Variants in SPOCK3 observed in about 807,000 individuals in gnomAD.
SPOCK3 encodes the protein testican-3.
SPOCK3 carries 30 observed loss-of-function variants against 56.6 expected under a neutral mutation model. The observed-to-expected ratio is 0.53, with a 90% CI of 0.40 to 0.72. The LOEUF is 0.72. Ranked by LOEUF, SPOCK3 falls within the 30% of genes least tolerant of loss-of-function variation. The pLI, the probability that SPOCK3 is intolerant of heterozygous loss-of-function variation, is 0.00. For missense variants in SPOCK3, 527 were observed against 530.0 expected (o/e 0.99, Z 0.06); for synonymous variants, 196 against 183.3 (o/e 1.07, Z -0.56).
rs150561318 is a variant in SPOCK3 at position 166,893,256 on chromosome 4, A to G, written c.475-4012T>C. Among the ~76,000 whole-genome samples, 266 of 152,256 alleles carry G rather than the reference A, an allele frequency of 1.7e-3. 1 individual carries two copies. The highest frequency in any genetic ancestry group is 6.0e-3 in the African/African-American group (251 of 41,566). On this transcript the variant is annotated intron_variant, in intron 5 of 10. Transcript: ENST00000357545. ...CTACTGTAAGGCAATGAAAGGGTTA[A>G]TTCAATTCTCAAGATCCCTTCCATA...
In SPOCK3 at chr4:167,132,723, C is replaced by T. The variant is rs561365584; in HGVS notation, c.190-70186G>A. On this transcript the variant is annotated intron_variant, in intron 2 of 10. Coordinates refer to ENST00000357545, the MANE Select transcript of SPOCK3 (RefSeq NM_001040159.2). ...CCATTCTTTACCTCTCTCTTAGCTT[C>T]GGATAGCTGCCCGTAAACCCTGGCA... 3.3e-5 allele frequency among the ~76,000 whole-genome samples: 5 copies of T among 152,178 alleles called. No homozygotes were observed. In the South Asian group the frequency reaches 8.3e-4, roughly 25 times the overall value.
intron 4 of SPOCK3, among the ~76,000 whole-genome samples, chr4:166,919,434 G>T (rs2149973034): frequency 6.6e-6 from 1 of 152,158 alleles, no homozygotes; most frequent in Admixed American, 6.6e-5. Flanking sequence ...AATTACTGAA[G>T]GCATCAATAA....
In SPOCK3 at chr4:166,754,587, T is replaced by A; in HGVS notation, c.852A>T (p.Ala284=). The change falls in exon 8 of 11, where the codon GCA becomes GCT. Residue 284 remains alanine, a synonymous_variant. Transcript: ENST00000357545. ...YLDKNEQCTK[A]FFNSCDTYKD... ...TGTATGTGTCACAAGAATTGAAGAATGCCTTGGTACACTGTTCATTCTTAT... is the reference window on the plus strand; with the variant it reads ...TGTATGTGTCACAAGAATTGAAGAAAGCCTTGGTACACTGTTCATTCTTAT... The A allele has an allele frequency of 6.2e-7, 1 of 1,613,744 alleles. No individual in the cohort carries two copies. Among genetic ancestry groups the A allele is most frequent in the Non-Finnish European group, 8.5e-7 (1 of 1,179,762 alleles).
chr4:167,223,531 C>T lies in SPOCK3; in HGVS notation c.189+10454G>A, dbSNP rs575519375. On this transcript the variant is annotated intron_variant, in intron 2 of 10. Coordinates refer to ENST00000357545, the MANE Select transcript of SPOCK3 (RefSeq NM_001040159.2). ...TGTTTAAGGACAAAGTCTTTAGAGC[C>T]AAAATTCTACTACTGGAGAGAGCCC... Among the ~76,000 whole-genome samples, 8 of 151,866 alleles carry T rather than the reference C, an allele frequency of 5.3e-5. No homozygotes were observed. In the East Asian group the frequency reaches 1.5e-3, roughly 29 times the overall value.
At chr4:166,912,412 C>A (rs2087315198) in intron 5 of SPOCK3, among the ~76,000 whole-genome samples, 1 of 152,066 alleles carries the variant, frequency 6.6e-6, no homozygotes, top group African/African-American at 2.4e-5. Flanking sequence ...TCTGAGGGTT[C>A]ATAGCTTTAG....
chr4:167,234,667 T>G (rs932267881), upstream of SPOCK3: 1 of 180,898 alleles, frequency 5.5e-6, no homozygotes, highest in African/African-American at 2.4e-5. Flanking sequence ...CTCCGTTTTT[T>G]TCCTCTTCCA....
chr4:167,051,713 A>G (rs1247965834), intron 3 of SPOCK3, among the ~76,000 whole-genome samples: 1 of 152,128 alleles, frequency 6.6e-6, no homozygotes, highest in Non-Finnish European at 1.5e-5. Flanking sequence ...CTGACCCCCA[A>G]TCATTGGTTA....
intron 8 of SPOCK3, among the ~76,000 whole-genome samples, chr4:166,753,714 C>T (rs987077648): frequency 1.3e-5 from 2 of 151,986 alleles, no homozygotes; most frequent in South Asian, 2.1e-4. Flanking sequence ...CAGGCTTTAC[C>T]ACATTAATTC....
chr4:166,802,056 A>C (rs1742658376), intron 6 of SPOCK3, among the ~76,000 whole-genome samples: 1 of 152,134 alleles, frequency 6.6e-6, no homozygotes, highest in South Asian at 2.1e-4. Flanking sequence ...AGTTTTTCCC[A>C]AAAAATTAAA....
intron 3 of SPOCK3, among the ~76,000 whole-genome samples, chr4:167,003,786 A>T (rs1749187096): frequency 6.6e-6 from 1 of 152,218 alleles, no homozygotes; most frequent in Admixed American, 6.5e-5. Context: ...GGTACCTGAC[A>T]AGTAAGTTTT....
intron 2 of SPOCK3, among the ~76,000 whole-genome samples, chr4:167,113,460 G>T (rs1330161321): frequency 6.6e-6 from 1 of 151,584 alleles, no homozygotes; most frequent in Non-Finnish European, 1.5e-5. Context: ...ACAGTTTTCA[G>T]CAAAAAACTA....
intron 5 of SPOCK3, among the ~76,000 whole-genome samples, chr4:166,902,366 T>C (rs1379695803): frequency 3.3e-5 from 5 of 152,078 alleles, no homozygotes; most frequent in Non-Finnish European, 5.9e-5. Flanking sequence ...ATACACTGTG[T>C]TTCCTGTACT....
At chr4:166,765,522 C>T (rs1405458146) in intron 7 of SPOCK3, among the ~76,000 whole-genome samples, 3 of 152,116 alleles carry the variant, frequency 2.0e-5, no homozygotes, top group African/African-American at 4.8e-5. Context: ...TTTCTGAGGG[C>T]TCTGTTCTGT....
chr4:166,883,555 G>A (rs1733885386), intron 6 of SPOCK3, among the ~76,000 whole-genome samples: 1 of 152,180 alleles, frequency 6.6e-6, no homozygotes, highest in Non-Finnish European at 1.5e-5. Context: ...GATCTCTGAA[G>A]TGAGAAGGAC....
intron 4 of SPOCK3, among the ~76,000 whole-genome samples, chr4:166,964,839 T>C (rs1164621364): frequency 6.6e-6 from 1 of 151,892 alleles, no homozygotes; most frequent in African/African-American, 2.4e-5. Context: ...TTCTAGGATA[T>C]TTTTAAGCTG....
In SPOCK3 at chr4:166,877,645, A is replaced by G. The variant is rs76601428; in HGVS notation, c.589+11485T>C. 6.5e-4 allele frequency among the ~76,000 whole-genome samples: 99 copies of G among 152,320 alleles called. 1 individual carries two copies. In the East Asian group the frequency reaches 0.017, roughly 26 times the overall value. ...TCCATTTCAGAGTACACTATAATGT[A>G]AAAGTTCTCATTAACAGGTCATTTT... On this transcript the variant is annotated intron_variant, in intron 6 of 10. Transcript: ENST00000357545.
chr4:167,023,956 A>C (rs1353590995), intron 3 of SPOCK3, among the ~76,000 whole-genome samples: 1 of 152,072 alleles, frequency 6.6e-6, no homozygotes, highest in African/African-American at 2.4e-5. Context: ...GGGCAGAGGC[A>C]GAAAGAAGTC....
chr4:166,768,982 C>A (rs1738533813), intron 7 of SPOCK3, among the ~76,000 whole-genome samples: 1 of 152,232 alleles, frequency 6.6e-6, no homozygotes. Flanking sequence ...ATCAAATCAG[C>A]TACTGAAGCT....
At chr4:166,908,272 T>TCACACACACACA (rs5863846) in intron 5 of SPOCK3, among the ~76,000 whole-genome samples, 1 of 138,472 alleles carries the variant, frequency 7.2e-6, no homozygotes, top group African/African-American at 2.7e-5. Flanking sequence ...ATGTTATTGT[T>TCACACACACACA]CACACACACA....
Sources: gnomAD v4.1 joint callset for allele counts (sites outside exome capture counted in the v4.1 genomes callset) on GRCh38, gnomAD v4.1.1 for gene constraint, MANE v1.5 for transcripts, NCBI Gene and HGNC (gene_info 2026-07-23, HGNC 2026-07-21) for gene names.